PLCZ1: variants seen among roughly 807,000 people sequenced by gnomAD.
PLCZ1 encodes the protein phospholipase C zeta 1.
In PLCZ1, 64 loss-of-function variants were observed where a neutral mutation model predicts 76.8. That is an observed-to-expected ratio of 0.83 (90% CI 0.68 to 1.03). The LOEUF (loss-of-function observed/expected upper bound fraction) is 1.03, where lower values mean the gene tolerates loss of function less well. Ranked by LOEUF, PLCZ1 falls within the 50% of genes least tolerant of loss-of-function variation. PLCZ1 has a pLI of 0.00. For synonymous variants in PLCZ1, 248 were observed against 230.8 expected (o/e 1.07, Z -0.68); for missense variants, 751 against 713.7 (o/e 1.05, Z -0.60).
At chr12:18,650,071 C>T in the PLCZ1 span, among the ~76,000 whole-genome samples, 1 of 151,966 alleles carries the variant, frequency 6.6e-6, no homozygotes, top group Non-Finnish European at 1.5e-5. Flanking sequence ...GCCCAGAATA[C>T]CTCCCAGATT....
chr12:18,670,552 G>A, the PLCZ1 span, among the ~76,000 whole-genome samples: 1 of 152,038 alleles, frequency 6.6e-6, no homozygotes, highest in Non-Finnish European at 1.5e-5. Context: ...AAATCTCCAG[G>A]GATTGATATG....
chr12:18,726,988 G>A (rs1958788284), intron 3 of PLCZ1, among the ~76,000 whole-genome samples: 1 of 152,034 alleles, frequency 6.6e-6, no homozygotes, highest in South Asian at 2.1e-4. Context: ...CATATTGTCA[G>A]TGCCCTCTGG....
At chr12:18,646,430 C>A in the PLCZ1 span, among the ~76,000 whole-genome samples, 1 of 152,140 alleles carries the variant, frequency 6.6e-6, no homozygotes, top group Admixed American at 6.6e-5. Flanking sequence ...TATTGTATCT[C>A]ATGCCCTTTG....
intron 7 of PLCZ1, among the ~76,000 whole-genome samples, chr12:18,702,572 T>C (rs1956091687): frequency 6.6e-6 from 1 of 152,176 alleles, no homozygotes; most frequent in African/African-American, 2.4e-5. Flanking sequence ...TTCCATCATC[T>C]TGGGTCTTCC....
the PLCZ1 span, among the ~76,000 whole-genome samples, chr12:18,650,467 G>A: frequency 6.8e-6 from 1 of 148,120 alleles, no homozygotes; most frequent in South Asian, 2.1e-4. Context: ...CTGAAAAAAT[G>A]TAAACACTTG....
the PLCZ1 span, among the ~76,000 whole-genome samples, chr12:18,650,726 A>ATC: frequency 9.3e-5 from 2 of 21,532 alleles, no homozygotes; most frequent in Non-Finnish European, 1.5e-4. Context: ...ATATATATAT[A>ATC]TATATATATA....
intron 6 of PLCZ1, among the ~76,000 whole-genome samples, chr12:18,705,728 T>C (rs1265138440): frequency 6.6e-6 from 1 of 150,462 alleles, no homozygotes; most frequent in East Asian, 2.0e-4. Context: ...TAGCCAGGTG[T>C]GGTAGTGTGT....
At chr12:18,668,563 A>G in the PLCZ1 span, among the ~76,000 whole-genome samples, 1 of 152,234 alleles carries the variant, frequency 6.6e-6, no homozygotes, top group Non-Finnish European at 1.5e-5. Flanking sequence ...CAAGGAGATC[A>G]TGCATGCTGG....
intron 1 of PLCZ1, 142 bp downstream of exon 1, chr12:18,737,790 A>G (rs1016268757): frequency 3.1e-6 from 1 of 324,962 alleles, no homozygotes; most frequent in Non-Finnish European, 5.8e-6. Context: ...ATATGCTTCC[A>G]GTGGGTTTGG....
downstream of PLCZ1, among the ~76,000 whole-genome samples, chr12:18,681,414 G>A (rs1197408338): frequency 6.6e-6 from 1 of 151,912 alleles, no homozygotes; most frequent in African/African-American, 2.4e-5. Context: ...ATTTTTTCTT[G>A]TAAATGAATT....
At chr12:18,697,433 A>T (rs1399723616) in intron 10 of PLCZ1, among the ~76,000 whole-genome samples, 2 of 152,138 alleles carry the variant, frequency 1.3e-5, no homozygotes, top group African/African-American at 2.4e-5. Context: ...CTTAGGCAAA[A>T]CACATACTCT....
At position 18,737,455 on chromosome 12, in the gene PLCZ1, C is replaced by T. The variant is rs779843609; in HGVS notation, c.-84G>A. ...TGTCATGGGTTCCAAATACAATTAA[C>T]TCTGCCCCTTTGCAGAAAATAATTT... is the stretch of plus-strand genomic sequence containing the variant. On this transcript the variant is annotated 5_prime_UTR_variant, in exon 2 of 15. Coordinates refer to ENST00000266505, the MANE Select transcript of PLCZ1 (RefSeq NM_033123.4). 1 of 1,557,942 alleles carries T rather than the reference C, an allele frequency of 6.4e-7. No individual in the cohort carries two copies. Among genetic ancestry groups the T allele is most frequent in the Admixed American group, 1.7e-5 (1 of 59,438 alleles).
chr12:18,696,092 TA>T, intron 11 of PLCZ1, 57 bp downstream of exon 11: 1 of 967,478 alleles, frequency 1.0e-6, no homozygotes. Context: ...CATACATTCA[TA>T]AAATGAATTC....
the PLCZ1 span, among the ~76,000 whole-genome samples, chr12:18,670,481 C>G: frequency 8.5e-5 from 13 of 152,156 alleles, no homozygotes; most frequent in Non-Finnish European, 1.8e-4. Flanking sequence ...CTTCAACTAC[C>G]CAAGATGCAT....
chr12:18,658,229 T>G, the PLCZ1 span, among the ~76,000 whole-genome samples: 1 of 152,218 alleles, frequency 6.6e-6, no homozygotes, highest in African/African-American at 2.4e-5. Flanking sequence ...ATTTGCATAT[T>G]AGGCATCCCA....
chr12:18,702,262 T>A (rs1956047949), intron 7 of PLCZ1, among the ~76,000 whole-genome samples: 1 of 152,044 alleles, frequency 6.6e-6, no homozygotes. Context: ...TAAAGGCTCT[T>A]CAAATTTCTT....
the PLCZ1 span, among the ~76,000 whole-genome samples, chr12:18,664,418 T>C: frequency 6.6e-6 from 1 of 152,210 alleles, no homozygotes; most frequent in South Asian, 2.1e-4. Flanking sequence ...TTATACATAC[T>C]GTGGAATATT....
chr12:18,693,418 T>C, intron 12 of PLCZ1: 1 of 1,604,520 alleles, frequency 6.2e-7, no homozygotes, highest in East Asian at 2.2e-5. Context: ...TATGAAGAGA[T>C]GGGTATAAAG....
the PLCZ1 span, among the ~76,000 whole-genome samples, chr12:18,669,938 G>A: frequency 0.011 from 1,618 of 152,148 alleles, 15 homozygotes; most frequent in Non-Finnish European, 0.016. Context: ...AAAGTGCTGG[G>A]ACTACAGGTG....
Sources: gnomAD v4.1 joint callset for allele counts (sites outside exome capture counted in the v4.1 genomes callset) on GRCh38, gnomAD v4.1.1 for gene constraint, MANE v1.5 for transcripts, NCBI Gene and HGNC (gene_info 2026-07-23, HGNC 2026-07-21) for gene names.